Variants in COL4A1 observed in about 807,000 individuals in gnomAD.
The protein encoded by COL4A1 is collagen alpha-1(IV) chain.
Under a neutral mutation model 216.6 loss-of-function variants are expected in COL4A1, and 40 were observed. The observed-to-expected ratio is 0.18, with a 90% CI of 0.14 to 0.24. The LOEUF is 0.24. Among genes scored for constraint, COL4A1 ranks in the 10% least tolerant of loss-of-function variants. The probability of loss-of-function intolerance (pLI) is 1.00; values close to 1 mark genes in which losing one functional copy is unlikely to be tolerated. For missense variants in COL4A1, 1,628 were observed against 2,196.8 expected (o/e 0.74, Z 5.18); for synonymous variants, 839 against 810.7 (o/e 1.03, Z -0.59).
rs369468163 is a variant in COL4A1, at chr13:110,279,480, A to G, written c.84+27464T>C. Among the ~76,000 whole-genome samples the G allele has an allele frequency of 7.2e-5, 11 of 152,246 alleles. No homozygotes were observed. The South Asian group carries it at 2.3e-3, about 32-fold the overall frequency. ...AGCTCCTTGAATGTGCAAACCATAT[A>G]ATGTATTTTTTTGCTCAGTTCCCCA... On this transcript the variant is annotated intron_variant, in intron 1 of 51. Transcript: ENST00000375820.
chr13:110,210,305 T>TA, intron 8 of COL4A1, 93 bp from the exon 9 acceptor site: 1 of 1,193,894 alleles, frequency 8.4e-7, no homozygotes, highest in Non-Finnish European at 1.2e-6. Flanking sequence ...ATATTAGTGT[T>TA]ACAGGACTAG....
chr13:110,228,773 T>C (rs1025455092), intron 2 of COL4A1, among the ~76,000 whole-genome samples: 2 of 152,184 alleles, frequency 1.3e-5, no homozygotes, highest in Non-Finnish European at 2.9e-5. Context: ...AACAGCTAGT[T>C]AAGAAAGTCA....
intron 21 of COL4A1, among the ~76,000 whole-genome samples, chr13:110,196,376 T>C (rs1384074169): frequency 6.6e-6 from 1 of 152,176 alleles, no homozygotes; most frequent in South Asian, 2.1e-4. Flanking sequence ...GTGGACTCCA[T>C]GTTTATGCTT....
chr13:110,172,950 A>G lies in COL4A1; in HGVS notation c.3506-180T>C, dbSNP rs75079832. On this transcript the variant is annotated intron_variant, in intron 40 of 51. Transcript: ENST00000375820. ...TACAGTTATAAGATACCCTTGACTG[A>G]ATGTTCCTAATTTAGTACTTTTTCC... Among the ~76,000 whole-genome samples, 2,188 of 152,304 alleles carry G rather than the reference A, an allele frequency of 0.014. 61 individuals carry two copies. The highest frequency in any genetic ancestry group is 0.05 in the African/African-American group (2,098 of 41,554).
At position 110,220,061 on chromosome 13, in the gene COL4A1, C is replaced by T. The variant is rs563835774; in HGVS notation, c.145-6046G>A. ...CTTGGCTCACTGCAACCTCAGCCTCCGCAGTAGCTGGGATTATAGTAGTGT... is the reference window on the plus strand; with the variant it reads ...CTTGGCTCACTGCAACCTCAGCCTCTGCAGTAGCTGGGATTATAGTAGTGT... On this transcript the variant is annotated intron_variant, in intron 2 of 51. Coordinates refer to ENST00000375820, the MANE Select transcript of COL4A1 (RefSeq NM_001845.6). Among the ~76,000 whole-genome samples, 12 of 146,502 alleles carry T rather than the reference C, an allele frequency of 8.2e-5. No homozygotes were observed. The South Asian group carries it at 2.6e-3, about 32-fold the overall frequency.
At chr13:110,202,238 TAA>T (rs564963734) in intron 18 of COL4A1, among the ~76,000 whole-genome samples, 11 of 121,078 alleles carry the variant, frequency 9.1e-5, no homozygotes, top group Admixed American at 1.7e-4. Context: ...GGAACACTCT[TAA>T]AAAAAAAAAA....
intron 4 of COL4A1, 129 bp downstream of exon 4, chr13:110,213,653 C>T (rs1456377582): frequency 1.9e-5 from 18 of 923,126 alleles, no homozygotes; most frequent in South Asian, 6.8e-5. Flanking sequence ...CCTGCCTGCC[C>T]GTGCTGTGTG....
At chr13:110,180,354 G>A (rs1427040468) in intron 29 of COL4A1, among the ~76,000 whole-genome samples, 1 of 152,200 alleles carries the variant, frequency 6.6e-6, no homozygotes, top group Non-Finnish European at 1.5e-5. Flanking sequence ...AAAGACAAAG[G>A]TCCAAAGGTT....
At chr13:110,257,399 G>C (rs1882624720) in intron 1 of COL4A1, among the ~76,000 whole-genome samples, 1 of 152,176 alleles carries the variant, frequency 6.6e-6, no homozygotes, top group South Asian at 2.1e-4. Flanking sequence ...ATAAGAATAT[G>C]GAAGATAACG....
At chr13:110,242,588 G>T in intron 2 of COL4A1, 87 bp downstream of exon 2, 2 of 1,428,600 alleles carry the variant, frequency 1.4e-6, no homozygotes, top group Non-Finnish European at 2.0e-6. Flanking sequence ...GCTTTCACCT[G>T]AATTGCTGAT....
chr13:110,300,861 C>T (rs934275230), intron 1 of COL4A1, among the ~76,000 whole-genome samples: 2 of 152,184 alleles, frequency 1.3e-5, no homozygotes, highest in Non-Finnish European at 2.9e-5. Flanking sequence ...AACAGAAACA[C>T]AAAAGCCCAA....
chr13:110,219,127 G>C (rs908947781), intron 2 of COL4A1, among the ~76,000 whole-genome samples: 2 of 152,154 alleles, frequency 1.3e-5, no homozygotes, highest in South Asian at 2.1e-4. Flanking sequence ...CCCGCCGGGA[G>C]CTCCCTCCAC....
chr13:110,237,066 C>A (rs1279152437), intron 2 of COL4A1, among the ~76,000 whole-genome samples: 1 of 152,126 alleles, frequency 6.6e-6, no homozygotes, highest in East Asian at 1.9e-4. Flanking sequence ...AGGCTCATTT[C>A]TTTGTGGTCC....
intron 43 of COL4A1, among the ~76,000 whole-genome samples, 176 bp from the exon 44 acceptor site, chr13:110,167,406 T>A (rs1877395066): frequency 6.6e-6 from 1 of 152,228 alleles, no homozygotes; most frequent in Admixed American, 6.5e-5. Context: ...TGCATGTGCC[T>A]CAATCGGGAA....
At chr13:110,277,628 A>G (rs1427541865) in intron 1 of COL4A1, among the ~76,000 whole-genome samples, 1 of 152,192 alleles carries the variant, frequency 6.6e-6, no homozygotes, top group Non-Finnish European at 1.5e-5. Flanking sequence ...ACCACACAGT[A>G]TGTCCGTGTA....
intron 48 of COL4A1, among the ~76,000 whole-genome samples, chr13:110,161,667 A>C (rs1177068705): frequency 1.8e-5 from 2 of 110,842 alleles, no homozygotes; most frequent in Non-Finnish European, 4.1e-5. Flanking sequence ...CAGAAAATGC[A>C]GATGCTCTTT....
chr13:110,214,908 G>T (rs2139208422), intron 2 of COL4A1, among the ~76,000 whole-genome samples: 1 of 152,320 alleles, frequency 6.6e-6, no homozygotes. Context: ...ACTTCAGGTG[G>T]TTTTGCTCTA....
intron 49 of COL4A1, among the ~76,000 whole-genome samples, chr13:110,160,057 C>T (rs1011824449): frequency 6.6e-6 from 1 of 152,128 alleles, no homozygotes; most frequent in Non-Finnish European, 1.5e-5. Context: ...TGCAAATGTA[C>T]TTAATGCCAC....
intron 1 of COL4A1, among the ~76,000 whole-genome samples, chr13:110,276,985 G>A (rs1341192752): frequency 6.6e-6 from 1 of 152,166 alleles, no homozygotes; most frequent in African/African-American, 2.4e-5. Flanking sequence ...GGACCCACTG[G>A]GATCCTTTTG....
Sources: gnomAD v4.1 joint callset for allele counts (sites outside exome capture counted in the v4.1 genomes callset) on GRCh38, gnomAD v4.1.1 for gene constraint, MANE v1.5 for transcripts, NCBI Gene and HGNC (gene_info 2026-07-23, HGNC 2026-07-21) for gene names.